Variants in ZBBX observed in about 807,000 individuals in gnomAD.
ZBBX encodes zinc finger B-box domain containing.
A neutral mutation model predicts 108.5 loss-of-function variants in ZBBX; 101 were observed. That is an observed-to-expected ratio of 0.93 (90% CI 0.79 to 1.10). The LOEUF is 1.10. Among genes scored for constraint, ZBBX ranks in the 50% least tolerant of loss-of-function variants. ZBBX has a pLI of 0.00. For missense variants in ZBBX, 1,009 were observed against 941.4 expected (o/e 1.07, Z -0.94); for synonymous variants, 356 against 323.4 (o/e 1.10, Z -1.08).
Position 167,242,561 on chromosome 3 carries a change from G to A in ZBBX, c.2337C>T (p.Ser779=), listed in dbSNP as rs1389294347. The change falls in exon 21 of 22, where the codon TCC becomes TCT. Residue 779 remains serine, a synonymous_variant. Transcript: ENST00000675490. ...CATGTGAGGTCTTAAGGAAATCTGT[G>A]GAAATCTGACTTATATTCAGTGATT... is the stretch of plus-strand genomic sequence containing the variant. ...SSQSLNISQI[S]TDFLKTSHVR... is the part of the protein sequence containing the mutation. The A allele has an allele frequency of 1.2e-6, 2 of 1,613,384 alleles. No individual in the cohort carries two copies. Among genetic ancestry groups the A allele is most frequent in the Non-Finnish European group, 1.7e-6 (2 of 1,179,732 alleles).
chr3:167,333,428 T>A (rs2108400254), intron 10 of ZBBX, among the ~76,000 whole-genome samples: 1 of 152,294 alleles, frequency 6.6e-6, no homozygotes, highest in East Asian at 1.9e-4. Context: ...TATATAACTG[T>A]GCAATTGCCT....
At chr3:167,196,078 C>T in the ZBBX span, among the ~76,000 whole-genome samples, 2 of 152,140 alleles carry the variant, frequency 1.3e-5, no homozygotes, top group Non-Finnish European at 2.9e-5. Context: ...ACATATATCA[C>T]ATAGCGATAT....
intron 20 of ZBBX, among the ~76,000 whole-genome samples, chr3:167,255,161 ACCAAAC>A (rs1469999736): frequency 5.9e-5 from 9 of 152,230 alleles, no homozygotes; most frequent in Non-Finnish European, 1.0e-4. Flanking sequence ...ATTAAACTGA[ACCAAAC>A]AAAAGTTTAA....
intron 9 of ZBBX, among the ~76,000 whole-genome samples, chr3:167,335,352 T>G (rs1351852841): frequency 2.0e-5 from 3 of 152,114 alleles, no homozygotes; most frequent in Non-Finnish European, 2.9e-5. Context: ...GACAAAGAAC[T>G]GGCAAATTTG....
chr3:167,228,815 T>C, the ZBBX span, among the ~76,000 whole-genome samples: 1 of 151,838 alleles, frequency 6.6e-6, no homozygotes, highest in African/African-American at 2.4e-5. Context: ...TTCCTCATGA[T>C]TGTTTTTCCA....
At chr3:167,244,333 C>G (rs1466658437) in intron 20 of ZBBX, among the ~76,000 whole-genome samples, 1 of 152,164 alleles carries the variant, frequency 6.6e-6, no homozygotes, top group Non-Finnish European at 1.5e-5. Context: ...AATGCTCCCA[C>G]AAGAAAGCAG....
At chr3:167,391,832 G>A (rs1748091554) in intron 1 of ZBBX, among the ~76,000 whole-genome samples, 2 of 151,454 alleles carry the variant, frequency 1.3e-5, no homozygotes, top group Admixed American at 6.6e-5. Flanking sequence ...ACTACTACTA[G>A]AATGAAGATA....
At chr3:167,245,919 G>C (rs1347499065) in intron 20 of ZBBX, among the ~76,000 whole-genome samples, 2 of 152,108 alleles carry the variant, frequency 1.3e-5, no homozygotes, top group African/African-American at 4.8e-5. Context: ...TTGAAGTAAA[G>C]GTTTCAAATT....
At chr3:167,303,883 A>G (rs1024453066) in intron 17 of ZBBX, among the ~76,000 whole-genome samples, 1 of 152,162 alleles carries the variant, frequency 6.6e-6, no homozygotes. Context: ...CAGGAATTGT[A>G]CTTTGTTATT....
Position 167,314,063 on chromosome 3 carries a change from T to C in ZBBX, c.1328A>G (p.His443Arg). 1 of 1,606,650 alleles carries C rather than the reference T, an allele frequency of 6.2e-7. No homozygotes were observed. The highest frequency in any genetic ancestry group is 1.7e-4 in the Middle Eastern group (1 of 6,032). Residue 443 changes from histidine to arginine, a missense_variant, in exon 16 of 22, where the codon CAT becomes CGT. Coordinates refer to ENST00000675490, the MANE Select transcript of ZBBX (RefSeq NM_001199201.2). ...KNSFPYENGI[H>R]QHHVFDKGKR... ...TCCCTTATCGAAAACATGATGTTGA[T>C]GGATGCCATTTTCATATGGAAAGCT...
intron 18 of ZBBX, among the ~76,000 whole-genome samples, chr3:167,290,682 G>A (rs1293006392): frequency 6.6e-6 from 1 of 152,048 alleles, no homozygotes; most frequent in African/African-American, 2.4e-5. Context: ...ACCACCAAGG[G>A]AACAAAACTG....
the ZBBX span, among the ~76,000 whole-genome samples, chr3:167,207,427 GA>G: frequency 1.8e-3 from 267 of 152,268 alleles, no homozygotes; most frequent in African/African-American, 6.1e-3. Context: ...TTCTATCCCA[GA>G]TAGTGATTCA....
intron 12 of ZBBX, among the ~76,000 whole-genome samples, chr3:167,318,741 T>A (rs1735890108): frequency 6.6e-6 from 1 of 151,854 alleles, no homozygotes; most frequent in Non-Finnish European, 1.5e-5. Context: ...TTTTGTGGGT[T>A]TTTACCAATG....
chr3:167,221,979 G>C, the ZBBX span, among the ~76,000 whole-genome samples: 1 of 151,916 alleles, frequency 6.6e-6, no homozygotes, highest in Admixed American at 6.6e-5. Context: ...ATGTAAATTA[G>C]TACAACCACT....
chr3:167,255,340 T>G (rs1337348403), intron 20 of ZBBX, among the ~76,000 whole-genome samples: 13 of 152,106 alleles, frequency 8.5e-5, no homozygotes, highest in Non-Finnish European at 2.9e-5. Flanking sequence ...ATGAATGCTA[T>G]AATAAAACCA....
chr3:167,371,586 G>A (rs1560197067), intron 4 of ZBBX, among the ~76,000 whole-genome samples: 1 of 152,116 alleles, frequency 6.6e-6, no homozygotes, highest in Non-Finnish European at 1.5e-5. Flanking sequence ...ACAGTGTATA[G>A]AAAATGCACA....
chr3:167,295,603 C>T (rs529599603), intron 18 of ZBBX, among the ~76,000 whole-genome samples: 1 of 150,374 alleles, frequency 6.7e-6, no homozygotes, highest in Non-Finnish European at 1.5e-5. Context: ...ATGCAGCAAA[C>T]CACCATGGCA....
intron 1 of ZBBX, among the ~76,000 whole-genome samples, chr3:167,390,482 A>C (rs546680968): frequency 1.5e-4 from 23 of 151,870 alleles, no homozygotes; most frequent in Non-Finnish European, 2.5e-4. Flanking sequence ...TTTTGGTTCC[A>C]TATGAAATTT....
Position 167,276,397 on chromosome 3 carries a change from G to A in ZBBX, c.2254+5841C>T, listed in dbSNP as rs577659306. Among the ~76,000 whole-genome samples the A allele has an allele frequency of 2.5e-3, 385 of 152,320 alleles. 11 individuals carry two copies. The highest frequency in any genetic ancestry group is 0.025 in the Admixed American group (383 of 15,304). ...TAACCAATACAGAGAAGTGCTTAAA[G>A]GAGCTGATGGAGCTGAAAACCAAGG... On this transcript the variant is annotated intron_variant, in intron 20 of 21. Coordinates refer to ENST00000675490, the MANE Select transcript of ZBBX (RefSeq NM_001199201.2).
Sources: gnomAD v4.1 joint callset for allele counts (sites outside exome capture counted in the v4.1 genomes callset) on GRCh38, gnomAD v4.1.1 for gene constraint, MANE v1.5 for transcripts, NCBI Gene and HGNC (gene_info 2026-07-23, HGNC 2026-07-21) for gene names.